Variants in NAALADL2 observed in about 807,000 individuals in gnomAD.
The protein encoded by NAALADL2 is N-acetylated alpha-linked acidic dipeptidase like 2, also known as inactive N-acetylated-alpha-linked acidic dipeptidase-like protein 2.
A neutral mutation model predicts 87.2 loss-of-function variants in NAALADL2; 76 were observed. The ratio of observed to expected loss-of-function variants is 0.87; its 90% confidence interval spans 0.72 to 1.05. NAALADL2 has a LOEUF of 1.05. Among genes scored for constraint, NAALADL2 ranks in the 50% least tolerant of loss-of-function variants. The probability of loss-of-function intolerance (pLI) is 0.00; values close to 1 mark genes in which losing one functional copy is unlikely to be tolerated. For missense variants in NAALADL2, 1,089 were observed against 945.8 expected, an observed-to-expected ratio of 1.15 and a Z score of -1.99; for synonymous variants, 354 against 331.0, an observed-to-expected ratio of 1.07 and a Z score of -0.75.
At chr3:174,892,950 G>A (rs549500473) in intron 1 of NAALADL2, among the ~76,000 whole-genome samples, 1 of 147,606 alleles carries the variant, frequency 6.8e-6, no homozygotes, top group Non-Finnish European at 1.5e-5. Flanking sequence ...ATACAAGAAA[G>A]TTGTAGAAAA....
At chr3:175,113,891 G>T (rs1400447566) in intron 2 of NAALADL2, among the ~76,000 whole-genome samples, 4 of 151,686 alleles carry the variant, frequency 2.6e-5, no homozygotes, top group African/African-American at 7.2e-5. Flanking sequence ...AAGGCTGTTT[G>T]TTACATACAC....
intron 5 of NAALADL2, among the ~76,000 whole-genome samples, chr3:175,441,671 T>TCACACACA (rs57990259): frequency 6.7e-4 from 100 of 148,756 alleles, no homozygotes; most frequent in African/African-American, 2.4e-3. Context: ...GATCTCATGT[T>TCACACACA]CACACACACA....
intron 2 of NAALADL2, among the ~76,000 whole-genome samples, chr3:175,213,630 T>C (rs1742085948): frequency 6.6e-6 from 1 of 152,170 alleles, no homozygotes; most frequent in Non-Finnish European, 1.5e-5. Context: ...AGGCAGATGA[T>C]GGTGAACTGA....
intron 9 of NAALADL2, among the ~76,000 whole-genome samples, chr3:175,479,205 T>C (rs1185412098): frequency 2.0e-5 from 3 of 151,982 alleles, no homozygotes; most frequent in Admixed American, 2.0e-4. Flanking sequence ...AATTTTGTGT[T>C]TGAATGGTTT....
At chr3:174,921,984 CATAT>C (rs1735300292) in intron 1 of NAALADL2, among the ~76,000 whole-genome samples, 1 of 151,640 alleles carries the variant, frequency 6.6e-6, no homozygotes, top group African/African-American at 2.4e-5. Flanking sequence ...ATGAAAAAAA[CATAT>C]GTATGAGACA....
chr3:174,684,027 T>C (rs554585007), intron 2 of NAALADL2, among the ~76,000 whole-genome samples: 29 of 152,150 alleles, frequency 1.9e-4, no homozygotes, highest in South Asian at 1.2e-3. Context: ...GCTTCAATTT[T>C]TTTCTTATTC....
rs1318941006 is a variant in NAALADL2 at position 175,534,586 on chromosome 3, C to T, written c.1654-41455C>T. 2.6e-5 allele frequency among the ~76,000 whole-genome samples: 4 copies of T among 152,128 alleles called. No homozygotes were observed. In the East Asian group the frequency reaches 7.7e-4, roughly 29 times the overall value. ...TGTCCTGTCTGGATGACTTTATACC[C>T]ATGGCTTCAGTTCCCACCTTTATGC... is the stretch of plus-strand genomic sequence containing the variant. On this transcript the variant is annotated intron_variant, in intron 9 of 13. Coordinates refer to ENST00000454872, the MANE Select transcript of NAALADL2 (RefSeq NM_207015.3).
intron 3 of NAALADL2, among the ~76,000 whole-genome samples, chr3:174,832,224 C>A (rs1249297085): frequency 3.3e-5 from 5 of 151,922 alleles, no homozygotes; most frequent in Non-Finnish European, 7.4e-5. Flanking sequence ...TGGATCTTTC[C>A]TGCTTTCTCT....
intron 9 of NAALADL2, among the ~76,000 whole-genome samples, chr3:175,479,467 T>TTGTTTTACTCTGGAACATTTTCCTTCAGA (rs1726155396): frequency 6.6e-6 from 1 of 150,952 alleles, no homozygotes; most frequent in East Asian, 1.9e-4. Context: ...TTTCCTTCAA[T>TTGTTTTACTCTGGAACATTTTCCTTCAGA]CATCTTGTGA....
chr3:174,442,727 A>G (rs989253700), intron 1 of NAALADL2, among the ~76,000 whole-genome samples: 2 of 152,224 alleles, frequency 1.3e-5, no homozygotes, highest in African/African-American at 2.4e-5. Flanking sequence ...GAGACAGTAT[A>G]TGTAGTACAT....
intron 10 of NAALADL2, among the ~76,000 whole-genome samples, chr3:175,586,454 A>AAAT (rs1720553449): frequency 2.0e-5 from 3 of 152,218 alleles, no homozygotes; most frequent in African/African-American, 7.2e-5. Flanking sequence ...CTGTGACTTT[A>AAAT]AATGGATGGA....
chr3:174,498,760 T>C (rs1718708246), intron 1 of NAALADL2, among the ~76,000 whole-genome samples: 1 of 151,880 alleles, frequency 6.6e-6, no homozygotes, highest in African/African-American at 2.4e-5. Context: ...CTTCCTATGG[T>C]GTGGTTATAT....
chr3:174,599,786 T>C (rs1397253854), intron 2 of NAALADL2, among the ~76,000 whole-genome samples: 1 of 152,138 alleles, frequency 6.6e-6, no homozygotes, highest in African/African-American at 2.4e-5. Context: ...CTTCTCTAGG[T>C]GTTACAAAGA....
intron 4 of NAALADL2, among the ~76,000 whole-genome samples, chr3:175,319,383 A>G (rs574934532): frequency 6.6e-6 from 1 of 152,362 alleles, no homozygotes; most frequent in South Asian, 2.1e-4. Context: ...ACTAGAAAAA[A>G]TGCCATTATT....
chr3:175,714,723 CT>C (rs1329583803), intron 11 of NAALADL2, among the ~76,000 whole-genome samples: 1 of 152,096 alleles, frequency 6.6e-6, no homozygotes, highest in Non-Finnish European at 1.5e-5. Flanking sequence ...TGCAGAAGCT[CT>C]TTAGTTTAAT....
chr3:175,422,588 A>C (rs1715887465), intron 5 of NAALADL2, among the ~76,000 whole-genome samples: 1 of 152,114 alleles, frequency 6.6e-6, no homozygotes, highest in African/African-American at 2.4e-5. Context: ...AGAGAAAAAA[A>C]AAATCTTTTA....
At chr3:175,070,891 C>A (rs1412757524) in intron 1 of NAALADL2, among the ~76,000 whole-genome samples, 1 of 152,014 alleles carries the variant, frequency 6.6e-6, no homozygotes, top group Admixed American at 6.6e-5. Flanking sequence ...TTTGCAGTAA[C>A]TGTGCTTTCC....
intron 12 of NAALADL2, among the ~76,000 whole-genome samples, chr3:175,749,295 C>G (rs1010291282): frequency 6.6e-6 from 1 of 151,676 alleles, no homozygotes; most frequent in African/African-American, 2.4e-5. Context: ...GATTGGGGAA[C>G]AAAGTTAATA....
At chr3:175,747,450 G>T (rs963978931) in intron 12 of NAALADL2, among the ~76,000 whole-genome samples, 1 of 151,872 alleles carries the variant, frequency 6.6e-6, no homozygotes, top group East Asian at 1.9e-4. Context: ...TTTCCCTAAG[G>T]TGTATTTTTT....
Sources: gnomAD v4.1 joint callset for allele counts (sites outside exome capture counted in the v4.1 genomes callset) on GRCh38, gnomAD v4.1.1 for gene constraint, MANE v1.5 for transcripts, NCBI Gene and HGNC (gene_info 2026-07-23, HGNC 2026-07-21) for gene names.